DUSP29: variants seen among roughly 807,000 people sequenced by gnomAD.
The protein encoded by DUSP29 is dual specificity phosphatase 29.
A neutral mutation model predicts 13.5 loss-of-function variants in DUSP29; 12 were observed. The observed-to-expected ratio is 0.89, with a 90% CI of 0.57 to 1.44. The LOEUF (loss-of-function observed/expected upper bound fraction) is 1.44, where lower values mean the gene tolerates loss of function less well. Ranked by LOEUF, DUSP29 falls within the 40% of genes most tolerant of loss-of-function variation. The pLI is 0.00. For synonymous variants in DUSP29, 134 were observed against 128.7 expected (o/e 1.04, Z -0.28); for missense variants, 308 against 301.1 (o/e 1.02, Z -0.17).
intron 1 of DUSP29, among the ~76,000 whole-genome samples, chr10:75,063,021 G>A (rs917152614): frequency 1.3e-5 from 2 of 152,250 alleles, no homozygotes; most frequent in African/African-American, 2.4e-5. Flanking sequence ...CTTCAGGGAG[G>A]GGCCAGGCAG....
At chr10:75,047,415 G>A (rs1049788344) in intron 2 of DUSP29, among the ~76,000 whole-genome samples, 1 of 152,308 alleles carries the variant, frequency 6.6e-6, no homozygotes, top group East Asian at 1.9e-4. Flanking sequence ...TTGGGAGTGG[G>A]GCAGGCTCAG....
chr10:75,063,801 G>A (rs566039235), intron 1 of DUSP29, among the ~76,000 whole-genome samples: 122 of 152,110 alleles, frequency 8.0e-4, no homozygotes, highest in Middle Eastern at 6.8e-3. Flanking sequence ...AACATTTAAA[G>A]GTGAAAGACA....
intron 2 of DUSP29, among the ~76,000 whole-genome samples, chr10:75,057,135 T>A (rs886313526): frequency 6.6e-6 from 1 of 151,534 alleles, no homozygotes; most frequent in Non-Finnish European, 1.5e-5. Flanking sequence ...ATTAGCCAGG[T>A]GTGGAGGCAG....
intron 1 of DUSP29, among the ~76,000 whole-genome samples, chr10:75,063,280 C>T (rs903109622): frequency 3.3e-5 from 5 of 152,126 alleles, no homozygotes; most frequent in African/African-American, 7.2e-5. Flanking sequence ...CCCCTGTAAT[C>T]GATGCTATTC....
chr10:75,070,696 G>A (rs768334231), intron 1 of DUSP29, among the ~76,000 whole-genome samples: 48 of 152,106 alleles, frequency 3.2e-4, no homozygotes, highest in Non-Finnish European at 4.9e-4. Flanking sequence ...AAGCTGTGGC[G>A]GAGGAGATGG....
At chr10:75,043,653 G>C (rs74926727) in intron 3 of DUSP29, 144 bp downstream of exon 3, 36,867 of 823,076 alleles carry the variant, frequency 0.045, 2,836 homozygotes, top group African/African-American at 0.3. Context: ...GGCCTCAGAC[G>C]GGGAAACCTT....
chr10:75,062,613 G>A (rs547077350), intron 1 of DUSP29, among the ~76,000 whole-genome samples: 4 of 152,140 alleles, frequency 2.6e-5, no homozygotes, highest in East Asian at 1.9e-4. Context: ...GTGTGGAACC[G>A]TCCAGAAACC....
In DUSP29 at chr10:75,055,602, G is replaced by C. The variant is rs531344973; in HGVS notation, c.200+2713C>G. 4.7e-4 allele frequency among the ~76,000 whole-genome samples: 71 copies of C among 152,308 alleles called. 1 individual carries two copies. Among genetic ancestry groups the C allele is most frequent in the African/African-American group, 1.6e-3 (67 of 41,574 alleles). Reference sequence around the variant, plus strand: ...CTGAGAGGCAGGTAGGGAATGGGGAGTGACTGTTTAGTGGGTTCAGGGTTT... The same window carrying C: ...CTGAGAGGCAGGTAGGGAATGGGGACTGACTGTTTAGTGGGTTCAGGGTTT... On this transcript the variant is annotated intron_variant, in intron 2 of 3. Transcript: ENST00000338487.
chr10:75,070,417 T>C (rs1447686945), intron 1 of DUSP29, among the ~76,000 whole-genome samples: 1 of 152,182 alleles, frequency 6.6e-6, no homozygotes, highest in Non-Finnish European at 1.5e-5. Flanking sequence ...AAGCAGCTCT[T>C]ATGGGCCTTG....
intron 1 of DUSP29, among the ~76,000 whole-genome samples, chr10:75,069,817 G>A (rs1473372527): frequency 7.2e-5 from 11 of 152,110 alleles, no homozygotes; most frequent in African/African-American, 1.2e-4. Context: ...CAAGGCAGGC[G>A]GATCCCTTGA....
intron 2 of DUSP29, among the ~76,000 whole-genome samples, chr10:75,048,218 G>A (rs192511125): frequency 7.9e-5 from 12 of 151,964 alleles, no homozygotes; most frequent in Admixed American, 1.3e-4. Context: ...ATTGCAGTCC[G>A]TATTCTTTGT....
At chr10:75,043,653 G>T (rs74926727) in intron 3 of DUSP29, 144 bp downstream of exon 3, 6 of 823,254 alleles carry the variant, frequency 7.3e-6, no homozygotes, top group South Asian at 3.6e-5. Flanking sequence ...GGCCTCAGAC[G>T]GGGAAACCTT....
Position 75,043,868 on chromosome 10 carries a change from G to A in DUSP29, c.350C>T (p.Pro117Leu). ...QYHGVEADDL[P>L]TFDLSVFFYP... ...GAAGAAGACACTGAGGTCGAAGGTG[G>A]GCAGGTCGTCGGCCTCCACGCCGTG... Residue 117 changes from proline (P) to leucine (L), a missense_variant, in exon 3 of 4, where the codon CCC becomes CTC. Physicochemically the swap from Pro to Leu is moderately conservative, Grantham distance 98. Transcript: ENST00000338487. 6.2e-7 allele frequency: 1 copy of A among 1,614,046 alleles called. No individual in the cohort carries two copies. The highest frequency in any genetic ancestry group is 8.5e-7 in the Non-Finnish European group (1 of 1,179,946).
In DUSP29 at chr10:75,046,787, T is replaced by A. The variant is rs141965431; in HGVS notation, c.201-2770A>T. 9.2e-3 allele frequency among the ~76,000 whole-genome samples: 1,400 copies of A among 152,328 alleles called. 30 individuals carry two copies. The highest frequency in any genetic ancestry group is 0.032 in the African/African-American group (1,323 of 41,564). On this transcript the variant is annotated intron_variant, in intron 2 of 3. Transcript: ENST00000338487. ...TATGTGTACAACAAACATTATGCTT[T>A]GGGGACGTAGATCTGCGCCCAATTA...
intron 1 of DUSP29, among the ~76,000 whole-genome samples, chr10:75,061,524 G>A (rs1008137914): frequency 2.0e-5 from 3 of 152,226 alleles, no homozygotes; most frequent in African/African-American, 7.2e-5. Context: ...CCTCGTAGGG[G>A]CGCAGGCATC....
intron 2 of DUSP29, among the ~76,000 whole-genome samples, chr10:75,049,515 C>A (rs1199270051): frequency 6.6e-6 from 1 of 152,230 alleles, no homozygotes; most frequent in African/African-American, 2.4e-5. Context: ...AGGCTTCTCT[C>A]CCCGACCGTC....
At position 75,037,782 on chromosome 10, in the gene DUSP29, G is replaced by A; in HGVS notation, c.*54C>T. ...CTCTGGAGTCCTAGGCCAGGGCTAT[G>A]TTCTGCCTCTCCCCTCTGTCCCCAA... On this transcript the variant is annotated 3_prime_UTR_variant, in exon 4 of 4. Coordinates refer to ENST00000338487, the MANE Select transcript of DUSP29 (RefSeq NM_001003892.3). 1.3e-6 allele frequency: 2 copies of A among 1,558,438 alleles called. No individual in the cohort carries two copies. Among genetic ancestry groups the A allele is most frequent in the Non-Finnish European group, 1.7e-6 (2 of 1,154,790 alleles).
rs765130964 is a variant in DUSP29 at position 75,043,803 on chromosome 10, C to G, written c.415G>C (p.Asp139His). Residue 139 changes from aspartate (D) to histidine (H), a missense_variant, in exon 3 of 4, where the codon GAC becomes CAC. Coordinates refer to ENST00000338487, the MANE Select transcript of DUSP29 (RefSeq NM_001003892.3). ...AAFIDRALSD[D>H]HSKILVHCVM... ...GGGGCCGCGGGTCTCTTACTGTGGT[C>G]GTCGCTTAGCGCTCTGTCGATGAAG... 5.6e-6 allele frequency: 9 copies of G among 1,612,564 alleles called. No individual in the cohort carries two copies. Among genetic ancestry groups the G allele is most frequent in the Non-Finnish European group, 7.6e-6 (9 of 1,179,832 alleles).
chr10:75,058,862 T>C (rs10762650), intron 1 of DUSP29, among the ~76,000 whole-genome samples: 19,999 of 152,230 alleles, frequency 0.13, 2,006 homozygotes, highest in South Asian at 0.27. Context: ...CTTTAGACTT[T>C]ACTCCTTTGG....
Sources: allele counts gnomAD v4.1 joint callset (sites outside exome capture counted in the v4.1 genomes callset), GRCh38; gene constraint gnomAD v4.1.1; transcripts MANE v1.5; gene names NCBI Gene and HGNC (gene_info 2026-07-23, HGNC 2026-07-21).